IQGAP2: variants seen among roughly 807,000 people sequenced by gnomAD.
The protein encoded by IQGAP2 is ras GTPase-activating-like protein IQGAP2.
Under a neutral mutation model 201.3 loss-of-function variants are expected in IQGAP2, and 173 were observed. That is an observed-to-expected ratio of 0.86 (90% confidence interval 0.76 to 0.98). The LOEUF is 0.98. IQGAP2 is among the 50% of genes least tolerant of loss of function. IQGAP2 has a pLI of 0.00. For missense variants in IQGAP2, 1,687 were observed against 1,864.8 expected, an observed-to-expected ratio of 0.90 and a Z score of 1.76; for synonymous variants, 675 against 673.9, an observed-to-expected ratio of 1.00 and a Z score of -0.03.
Position 76,503,014 on chromosome 5 carries a change from G to A in IQGAP2, c.146+41345G>A, listed in dbSNP as rs559694359. Among the ~76,000 whole-genome samples, 20 of 151,992 alleles carry A rather than the reference G, an allele frequency of 1.3e-4. 1 individual carries two copies. The South Asian group carries it at 4.2e-3, about 32-fold the overall frequency. On this transcript the variant is annotated intron_variant, in intron 2 of 35. Transcript: ENST00000274364. Reference sequence around the variant, plus strand: ...CCTTGCTTCAGCCTCCCAAAGTGCTGTGATTACAGGCATGAGACACCATGC... The same window carrying A: ...CCTTGCTTCAGCCTCCCAAAGTGCTATGATTACAGGCATGAGACACCATGC...
rs550752346 is a variant in IQGAP2 at position 76,438,937 on chromosome 5, C to T, written c.47-22633C>T. Among the ~76,000 whole-genome samples the T allele has an allele frequency of 9.5e-5, 14 of 147,846 alleles. No homozygotes were observed. The East Asian group carries it at 2.7e-3, about 29-fold the overall frequency. On this transcript the variant is annotated intron_variant, in intron 1 of 35. Coordinates refer to ENST00000274364, the MANE Select transcript of IQGAP2 (RefSeq NM_006633.5). ...TTTATTTATTATTTTCTAGTTTTAGCTTTGTGTTTGTTCGTGTTTCTGTAG... is the reference window on the plus strand; with the variant it reads ...TTTATTTATTATTTTCTAGTTTTAGTTTTGTGTTTGTTCGTGTTTCTGTAG...
intron 33 of IQGAP2, chr5:76,699,508 G>A (rs934262804): frequency 4.6e-5 from 7 of 152,086 alleles, no homozygotes; most frequent in African/African-American, 1.7e-4. Context: ...TGAAATCACA[G>A]AAGATTTGAT....
At chr5:76,649,790 G>C (rs1689693189) in intron 17 of IQGAP2, among the ~76,000 whole-genome samples, 1 of 152,226 alleles carries the variant, frequency 6.6e-6, no homozygotes, top group Admixed American at 6.5e-5. Context: ...TACTGCCCTA[G>C]CAGAGATTCT....
intron 35 of IQGAP2, 75 bp from the exon 36 acceptor site, chr5:76,707,125 C>T (rs1747973863): frequency 2.6e-6 from 2 of 779,914 alleles, no homozygotes; most frequent in Non-Finnish European, 4.5e-6. Context: ...CTTTTGTCAA[C>T]AAATTCTTCT....
At chr5:76,492,332 C>T (rs148840144) in intron 2 of IQGAP2, among the ~76,000 whole-genome samples, 55 of 152,196 alleles carry the variant, frequency 3.6e-4, no homozygotes, top group African/African-American at 1.3e-3. Context: ...GGCCTCCTGT[C>T]CCTGGAAGGC....
At chr5:76,695,835 CTT>C (rs56984768) in intron 32 of IQGAP2, among the ~76,000 whole-genome samples, 169 bp downstream of exon 32, 3 of 83,092 alleles carry the variant, frequency 3.6e-5, no homozygotes, top group Non-Finnish European at 4.3e-5. Context: ...CAGTTGATGA[CTT>C]TTTTTTTTTT....
chr5:76,405,053 A>G (rs914677520), intron 1 of IQGAP2, among the ~76,000 whole-genome samples: 2 of 152,262 alleles, frequency 1.3e-5, no homozygotes, highest in African/African-American at 4.8e-5. Flanking sequence ...ACTGTGTCAA[A>G]TGATAAGATA....
chr5:76,537,870 C>A (rs1759716981), intron 2 of IQGAP2, among the ~76,000 whole-genome samples: 1 of 152,162 alleles, frequency 6.6e-6, no homozygotes, highest in Non-Finnish European at 1.5e-5. Flanking sequence ...CTCGGGGCAG[C>A]ACCCAGATTA....
At chr5:76,461,806 G>T (rs939059778) in intron 2 of IQGAP2, 137 bp downstream of exon 2, 1 of 644,598 alleles carries the variant, frequency 1.6e-6, no homozygotes, top group Non-Finnish European at 2.7e-6. Context: ...AGATGGCCAG[G>T]GAGAGATTCT....
intron 2 of IQGAP2, among the ~76,000 whole-genome samples, chr5:76,491,747 A>G (rs116627077): frequency 0.016 from 2,481 of 152,010 alleles, 66 homozygotes; most frequent in African/African-American, 0.057. Context: ...TCACATACCT[A>G]CCACCCTCCA....
At chr5:76,692,084 T>G (rs757736818) in intron 30 of IQGAP2, among the ~76,000 whole-genome samples, 5 of 152,194 alleles carry the variant, frequency 3.3e-5, no homozygotes, top group Non-Finnish European at 5.9e-5. Context: ...TAGACCAGTG[T>G]ATGTATAATT....
At chr5:76,688,726 TC>T (rs1374796224) in intron 30 of IQGAP2, among the ~76,000 whole-genome samples, 1 of 152,118 alleles carries the variant, frequency 6.6e-6, no homozygotes, top group African/African-American at 2.4e-5. Flanking sequence ...GGACCCACAA[TC>T]TGTAAAGAGA....
At chr5:76,687,146 T>C (rs1745852756) in intron 30 of IQGAP2, among the ~76,000 whole-genome samples, 2 of 152,306 alleles carry the variant, frequency 1.3e-5, no homozygotes, top group South Asian at 4.1e-4. Flanking sequence ...TCCATTTATG[T>C]AAAAAAGGCT....
chr5:76,591,317 A>G (rs915074412), intron 8 of IQGAP2, among the ~76,000 whole-genome samples: 2 of 150,234 alleles, frequency 1.3e-5, no homozygotes, highest in African/African-American at 2.4e-5. Context: ...TTTTGAATCT[A>G]CAGTCTTCAT....
chr5:76,628,104 G>A (rs1750403999), intron 14 of IQGAP2, among the ~76,000 whole-genome samples: 2 of 152,174 alleles, frequency 1.3e-5, no homozygotes, highest in South Asian at 4.2e-4. Context: ...GGCCCCTTGA[G>A]GAAAAACTCA....
intron 2 of IQGAP2, among the ~76,000 whole-genome samples, chr5:76,490,676 T>C (rs1302659063): frequency 6.6e-6 from 1 of 152,152 alleles, no homozygotes; most frequent in African/African-American, 2.4e-5. Context: ...TTGTTGTCAT[T>C]GTTATAACAC....
chr5:76,515,745 A>C (rs10462542), intron 2 of IQGAP2, among the ~76,000 whole-genome samples: 1 of 152,302 alleles, frequency 6.6e-6, no homozygotes, highest in East Asian at 1.9e-4. Context: ...TTTTAGAAAA[A>C]TAAAGTAGTT....
chr5:76,491,570 C>T (rs1399659036), intron 2 of IQGAP2, among the ~76,000 whole-genome samples: 2 of 152,170 alleles, frequency 1.3e-5, no homozygotes, highest in Non-Finnish European at 2.9e-5. Context: ...TCCCAAAGTG[C>T]TGGGATTACA....
chr5:76,567,008 G>C (rs1744797389), intron 3 of IQGAP2, among the ~76,000 whole-genome samples: 1 of 152,080 alleles, frequency 6.6e-6, no homozygotes, highest in South Asian at 2.1e-4. Flanking sequence ...AGTCTGACAA[G>C]GTTCAAAGAT....
Sources: gnomAD v4.1 joint callset for allele counts (sites outside exome capture counted in the v4.1 genomes callset) on GRCh38, gnomAD v4.1.1 for gene constraint, MANE v1.5 for transcripts, NCBI Gene and HGNC (gene_info 2026-07-23, HGNC 2026-07-21) for gene names.